RBM11: variants seen among roughly 807,000 people sequenced by gnomAD.
The protein encoded by RBM11 is splicing regulator RBM11.
RBM11 carries 18 observed loss-of-function variants against 21.4 expected under a neutral mutation model. The observed-to-expected ratio is 0.84, with a 90% CI of 0.58 to 1.25. The LOEUF (loss-of-function observed/expected upper bound fraction) is 1.25. RBM11 is among the 50% of genes most tolerant of loss of function. The pLI is 0.00. For missense variants in RBM11, 294 were observed against 331.9 expected (o/e 0.89, Z 0.89); for synonymous variants, 120 against 116.3 (o/e 1.03, Z -0.20).
rs1979249386 is a variant in RBM11 at position 14,227,913 on chromosome 21, A to G, written c.*620A>G. 1 of 152,350 alleles carries G rather than the reference A, an allele frequency of 6.6e-6. No individual in the cohort carries two copies. Among genetic ancestry groups the G allele is most frequent in the South Asian group, 2.1e-4 (1 of 4,834 alleles). 9.4% of individuals were successfully genotyped at this position (152,350 alleles called of 1,614,324 possible). ...AACTTTTGGATCATTCCCTTTTTAT[A>G]CAATTGTGTATTTATAGGGATACCT... On this transcript the variant is annotated 3_prime_UTR_variant, in exon 5 of 5. Coordinates refer to ENST00000400577, the MANE Select transcript of RBM11 (RefSeq NM_144770.5).
chr21:14,223,442 C>CT (rs1978841345), intron 3 of RBM11, among the ~76,000 whole-genome samples: 2 of 152,142 alleles, frequency 1.3e-5, no homozygotes, highest in Admixed American at 1.3e-4. Flanking sequence ...TAAGCAATAG[C>CT]TATTCATTGT....
chr21:14,224,118 A>T (rs1380469138), intron 3 of RBM11, among the ~76,000 whole-genome samples: 1 of 152,130 alleles, frequency 6.6e-6, no homozygotes, highest in South Asian at 2.1e-4. Flanking sequence ...CTGTCTTCAA[A>T]TTTCCCCTTT....
Position 14,216,507 on chromosome 21 carries a change from G to T in RBM11, c.96+225G>T, listed in dbSNP as rs1168153127. ...CTGCAGAGTCCTGGGGTTGGGCAGG[G>T]ACGTGGTTCCTTCAACCCCCGTTTC... On this transcript the variant is annotated intron_variant, in intron 1 of 4. Transcript: ENST00000400577. 2.6e-5 allele frequency among the ~76,000 whole-genome samples: 4 copies of T among 152,158 alleles called. No individual in the cohort carries two copies. The East Asian group carries it at 7.8e-4, about 29-fold the overall frequency.
intron 3 of RBM11, 120 bp from the exon 4 acceptor site, chr21:14,224,318 A>G: frequency 1.4e-6 from 2 of 1,386,990 alleles, no homozygotes. Context: ...TTTACATGTG[A>G]TTCCTCTATG....
chr21:14,221,164 C>G lies in RBM11; in HGVS notation c.327C>G (p.Asn109Lys). 1 of 1,556,390 alleles carries G rather than the reference C, an allele frequency of 6.4e-7. No individual in the cohort carries two copies. Among genetic ancestry groups the G allele is most frequent in the Non-Finnish European group, 8.7e-7 (1 of 1,151,246 alleles). Residue 109 changes from asparagine to lysine, a missense_variant, in exon 3 of 5, where the codon AAC (asparagine) becomes AAG (lysine). Asn to Lys is a moderately conservative substitution (Grantham distance 94). Coordinates refer to ENST00000400577, the MANE Select transcript of RBM11 (RefSeq NM_144770.5). The stretch of plus-strand genomic sequence containing the variant: ...GCTGTGTTAAGATAAATTCACACAA[C>G]TACAGGTAATTTTAAAAATATTTCT... ...FESCVKINSH[N>K]YRNEEMLVGR...
intron 3 of RBM11, among the ~76,000 whole-genome samples, chr21:14,223,222 A>G (rs1978820301): frequency 6.6e-6 from 1 of 152,156 alleles, no homozygotes; most frequent in Admixed American, 6.5e-5. Context: ...AGTATTTCTG[A>G]TATTATAAAG....
chr21:14,224,643 C>T (rs956921673), intron 4 of RBM11, 106 bp downstream of exon 4: 1 of 1,411,596 alleles, frequency 7.1e-7, no homozygotes, highest in Non-Finnish European at 9.4e-7. Flanking sequence ...GGGATGAAGG[C>T]ACAAGATGTC....
intron 1 of RBM11, among the ~76,000 whole-genome samples, chr21:14,216,669 T>C (rs551544580): frequency 6.6e-6 from 1 of 152,272 alleles, no homozygotes; most frequent in Admixed American, 6.5e-5. Context: ...TTTTATAATG[T>C]TTCCTTTTAC....
At chr21:14,217,049 G>GA (rs1389559158) in intron 1 of RBM11, among the ~76,000 whole-genome samples, 1 of 152,192 alleles carries the variant, frequency 6.6e-6, no homozygotes, top group Non-Finnish European at 1.5e-5. Context: ...TCCTAACAGG[G>GA]AGAACTTAAA....
intron 4 of RBM11, 113 bp downstream of exon 4, chr21:14,224,650 T>C (rs1223333146): frequency 1.4e-6 from 2 of 1,400,138 alleles, no homozygotes; most frequent in Non-Finnish European, 1.9e-6. Context: ...AGGCACAAGA[T>C]GTCCCAGCAC....
At chr21:14,219,399 AAAGTGTGAGG>A (rs1400581157) in intron 1 of RBM11, among the ~76,000 whole-genome samples, 154 bp from the exon 2 acceptor site, 2 of 152,200 alleles carry the variant, frequency 1.3e-5, no homozygotes, top group African/African-American at 4.8e-5. Context: ...AAATACAAAG[AAAGTGTGAGG>A]AAGTGTAATA....
intron 3 of RBM11, chr21:14,221,393 G>GT: frequency 5.0e-6 from 2 of 397,408 alleles, no homozygotes; most frequent in Non-Finnish European, 8.4e-6. Context: ...TATATTTGTA[G>GT]TTTTTTATAG....
chr21:14,226,491 T>C (rs371921169), intron 4 of RBM11, among the ~76,000 whole-genome samples: 2,245 of 151,930 alleles, frequency 0.015, 52 homozygotes, highest in African/African-American at 0.05. Context: ...TGGTGGCGTG[T>C]GCCTGTAGTC....
At chr21:14,225,487 C>A (rs1335590957) in intron 4 of RBM11, among the ~76,000 whole-genome samples, 1 of 152,026 alleles carries the variant, frequency 6.6e-6, no homozygotes, top group South Asian at 2.1e-4. Flanking sequence ...AATCTACAGT[C>A]CCAAGATTTT....
intron 3 of RBM11, among the ~76,000 whole-genome samples, chr21:14,224,143 A>G (rs1027341837): frequency 6.6e-6 from 1 of 152,072 alleles, no homozygotes; most frequent in South Asian, 2.1e-4. Flanking sequence ...TCAGGATACC[A>G]CTCATATTGT....
In RBM11 at chr21:14,228,355, A is replaced by C. The variant is rs1234818268; in HGVS notation, c.*1062A>C. On this transcript the variant is annotated 3_prime_UTR_variant, in exon 5 of 5. Transcript: ENST00000400577. The stretch of plus-strand genomic sequence containing the variant: ...AGATATTTATTATTTAAAAAAATAA[A>C]GATATGTTTTTAATGAAGAGAGTAA... 4 of 152,206 alleles carry C rather than the reference A, an allele frequency of 2.6e-5. No homozygotes were observed. Among genetic ancestry groups the C allele is most frequent in the Non-Finnish European group, 4.4e-5 (3 of 68,040 alleles). 9.4% of individuals were successfully genotyped at this position (152,206 alleles called of 1,614,324 possible).
intron 1 of RBM11, among the ~76,000 whole-genome samples, chr21:14,217,750 A>T (rs1568895700): frequency 6.6e-6 from 1 of 152,118 alleles, no homozygotes; most frequent in South Asian, 2.1e-4. Context: ...ACAAAAACCG[A>T]AAGAAATATA....
intron 1 of RBM11, among the ~76,000 whole-genome samples, chr21:14,217,518 G>A (rs2020472577): frequency 6.6e-6 from 1 of 152,092 alleles, no homozygotes; most frequent in South Asian, 2.1e-4. Flanking sequence ...TTTAATTGTA[G>A]ATACAATTTG....
chr21:14,226,934 C>G lies in RBM11; in HGVS notation c.487C>G (p.Pro163Ala). The change falls in exon 5 of 5, where the codon CCA (proline) becomes GCA (alanine). Residue 163 changes from proline to alanine, a missense_variant. Physicochemically the swap from Pro to Ala is conservative, Grantham distance 27. Transcript: ENST00000400577. ...GCTTCCTTACTATGAAATGACAGCT[C>G]CACTTCCTAATAGTGCATCCGTGTC... ...LQLPYYEMTA[P>A]LPNSASVSSS... 1 of 1,613,818 alleles carries G rather than the reference C, an allele frequency of 6.2e-7. No individual in the cohort carries two copies. Among genetic ancestry groups the G allele is most frequent in the Non-Finnish European group, 8.5e-7 (1 of 1,179,772 alleles).
Sources: gnomAD v4.1 joint callset for allele counts (sites outside exome capture counted in the v4.1 genomes callset) on GRCh38, gnomAD v4.1.1 for gene constraint, MANE v1.5 for transcripts, NCBI Gene and HGNC (gene_info 2026-07-23, HGNC 2026-07-21) for gene names.